The following HERC3 variants were observed in gnomAD, a reference collection of about 807,000 sequenced individuals.
HERC3 encodes the protein probable E3 ubiquitin-protein ligase HERC3.
In HERC3, 58 loss-of-function variants were observed where a neutral mutation model predicts 129.9. The observed-to-expected ratio is 0.45, with a 90% CI of 0.36 to 0.56. HERC3 has a LOEUF of 0.56. HERC3 is among the 20% of genes least tolerant of loss of function. HERC3 has a pLI of 0.00. For missense variants in HERC3, 835 were observed against 1,244.2 expected, an observed-to-expected ratio of 0.67 and a Z score of 4.95; for synonymous variants, 430 against 451.0, an observed-to-expected ratio of 0.95 and a Z score of 0.59.
At chr4:88,685,784 A>AATAAG (rs1733377791) in intron 21 of HERC3, among the ~76,000 whole-genome samples, 1 of 143,794 alleles carries the variant, frequency 7.0e-6, no homozygotes, top group Admixed American at 7.1e-5. Flanking sequence ...ATAATAATAA[A>AATAAG]GCCAGTCTAA....
the HERC3 span, among the ~76,000 whole-genome samples, chr4:88,545,306 T>A: frequency 2.0e-5 from 3 of 152,248 alleles, no homozygotes; most frequent in Admixed American, 1.3e-4. Context: ...AAATAAAAAA[T>A]TTTTGGTTAT....
intron 3 of HERC3, among the ~76,000 whole-genome samples, chr4:88,628,883 T>G (rs753159587): frequency 3.3e-5 from 5 of 152,082 alleles, no homozygotes; most frequent in Non-Finnish European, 5.9e-5. Context: ...TTCAAAAACC[T>G]TAAAAATAGG....
the HERC3 span, among the ~76,000 whole-genome samples, chr4:88,555,281 C>CAA: frequency 3.9e-3 from 431 of 110,424 alleles, 8 homozygotes; most frequent in African/African-American, 0.01. Flanking sequence ...GACTCCGTCT[C>CAA]AAAAAAAAAA....
intron 16 of HERC3, among the ~76,000 whole-genome samples, chr4:88,673,534 A>G (rs913464101): frequency 1.3e-5 from 2 of 152,184 alleles, no homozygotes; most frequent in African/African-American, 4.8e-5. Flanking sequence ...GTACTTTACT[A>G]GTTTTAAGTC....
At chr4:88,628,298 C>T (rs1029059844) in intron 3 of HERC3, among the ~76,000 whole-genome samples, 25 of 152,168 alleles carry the variant, frequency 1.6e-4, no homozygotes, top group Non-Finnish European at 3.2e-4. Flanking sequence ...AGAAATGTTA[C>T]TCTTTGTCCC....
intron 3 of HERC3, among the ~76,000 whole-genome samples, chr4:88,645,281 G>A (rs994922292): frequency 1.3e-5 from 2 of 152,106 alleles, no homozygotes; most frequent in Admixed American, 1.3e-4. Flanking sequence ...GTGCAGAATG[G>A]TAGGGTGAAG....
chr4:88,674,689 T>C (rs2149307807), intron 16 of HERC3, among the ~76,000 whole-genome samples: 1 of 152,282 alleles, frequency 6.6e-6, no homozygotes, highest in African/African-American at 2.4e-5. Flanking sequence ...GTGGTTTTGT[T>C]TTTTTGTTTT....
At chr4:88,598,492 G>A (rs1173935138) in intron 2 of HERC3, among the ~76,000 whole-genome samples, 1 of 152,210 alleles carries the variant, frequency 6.6e-6, no homozygotes, top group Non-Finnish European at 1.5e-5. Flanking sequence ...CAGTGAGGAA[G>A]ACAGGAGTCA....
chr4:88,552,874 T>G, the HERC3 span, among the ~76,000 whole-genome samples: 1 of 152,152 alleles, frequency 6.6e-6, no homozygotes, highest in Non-Finnish European at 1.5e-5. Context: ...ATATTCGGTA[T>G]GTGGTGATAT....
intron 2 of HERC3, among the ~76,000 whole-genome samples, chr4:88,602,925 CTCAGTTG>C (rs1199936380): frequency 2.6e-5 from 4 of 152,200 alleles, no homozygotes; most frequent in Admixed American, 6.5e-5. Flanking sequence ...AAAACTCTTG[CTCAGTTG>C]TCAGTCTTCA....
At chr4:88,527,570 C>A in the HERC3 span, 1 of 205,402 alleles carries the variant, frequency 4.9e-6, no homozygotes, top group African/African-American at 2.4e-5. Context: ...CCAACTTGCT[C>A]TTTTGGTTCT....
At chr4:88,632,329 C>T (rs764005554) in intron 3 of HERC3, among the ~76,000 whole-genome samples, 6 of 152,180 alleles carry the variant, frequency 3.9e-5, no homozygotes, top group Non-Finnish European at 5.9e-5. Flanking sequence ...AAATTGTTAA[C>T]ATTCCCCAGA....
chr4:88,542,858 G>T, the HERC3 span, among the ~76,000 whole-genome samples: 1 of 152,174 alleles, frequency 6.6e-6, no homozygotes, highest in Admixed American at 6.5e-5. Flanking sequence ...CTCTATAGTT[G>T]CAGAAAAGGC....
intron 23 of HERC3, chr4:88,696,445 T>TG (rs1435753719): frequency 6.6e-6 from 1 of 152,614 alleles, no homozygotes; most frequent in Admixed American, 6.5e-5. Context: ...TAAACATATT[T>TG]GGGGTATTTT....
At chr4:88,677,547 GTT>G (rs1732300403) in intron 18 of HERC3, among the ~76,000 whole-genome samples, 1 of 152,082 alleles carries the variant, frequency 6.6e-6, no homozygotes, top group Admixed American at 6.6e-5. Context: ...GATATTGACA[GTT>G]TAGAGATTTT....
chr4:88,662,634 G>C (rs1730609942), intron 11 of HERC3, 79 bp downstream of exon 11: 2 of 1,397,208 alleles, frequency 1.4e-6, no homozygotes, highest in East Asian at 4.6e-5. Context: ...TTCCGTACTT[G>C]CATATTGATA....
chr4:88,675,451 C>A (rs1204818224), intron 16 of HERC3, among the ~76,000 whole-genome samples: 1 of 152,088 alleles, frequency 6.6e-6, no homozygotes, highest in Non-Finnish European at 1.5e-5. Context: ...TGAGAATACA[C>A]CCATGGTTTT....
the HERC3 span, among the ~76,000 whole-genome samples, chr4:88,551,355 A>C: frequency 6.8e-6 from 1 of 148,004 alleles, no homozygotes; most frequent in South Asian, 2.1e-4. Context: ...CAACCTACAA[A>C]ATGGGAGAAA....
chr4:88,671,146 A>C (rs1731574164), intron 16 of HERC3, among the ~76,000 whole-genome samples: 1 of 152,064 alleles, frequency 6.6e-6, no homozygotes, highest in African/African-American at 2.4e-5. Context: ...CCAGCTTGGG[A>C]TATATGCAAG....
Sources: allele counts gnomAD v4.1 joint callset (sites outside exome capture counted in the v4.1 genomes callset), GRCh38; gene constraint gnomAD v4.1.1; transcripts MANE v1.5; gene names NCBI Gene and HGNC (gene_info 2026-07-23, HGNC 2026-07-21).